Variants in ULK4 observed in about 807,000 individuals in gnomAD.
ULK4 encodes unc-51 like kinase 4.
A neutral mutation model predicts 160.6 loss-of-function variants in ULK4; 133 were observed. The ratio of observed to expected loss-of-function variants is 0.83; its 90% CI spans 0.72 to 0.96. The LOEUF (loss-of-function observed/expected upper bound fraction) is 0.96, where lower values mean the gene tolerates loss of function less well. ULK4 is among the 40% of genes least tolerant of loss of function. ULK4 has a pLI of 0.00. For missense variants in ULK4, 1,580 were observed against 1,499.5 expected, an observed-to-expected ratio of 1.05 and a Z score of -0.89; for synonymous variants, 534 against 539.8, an observed-to-expected ratio of 0.99 and a Z score of 0.15.
chr3:41,458,808 T>G (rs1448891583), intron 33 of ULK4, among the ~76,000 whole-genome samples: 3 of 152,182 alleles, frequency 2.0e-5, no homozygotes. Context: ...CAGGCTGGAG[T>G]GCAGTGGCAC....
chr3:41,836,859 G>A (rs935536055), intron 17 of ULK4, among the ~76,000 whole-genome samples: 2 of 152,014 alleles, frequency 1.3e-5, no homozygotes, highest in Non-Finnish European at 2.9e-5. Context: ...TCATACACCA[G>A]AACACAGGTT....
intron 25 of ULK4, among the ~76,000 whole-genome samples, chr3:41,712,514 C>G (rs1419168619): frequency 6.6e-6 from 1 of 152,160 alleles, no homozygotes; most frequent in African/African-American, 2.4e-5. Context: ...AATATGCCTG[C>G]CATAAGACAA....
At chr3:41,781,349 G>A (rs563099181) in intron 21 of ULK4, among the ~76,000 whole-genome samples, 125 of 151,234 alleles carry the variant, frequency 8.3e-4, no homozygotes, top group African/African-American at 2.9e-3. Context: ...CCCAGGAGGC[G>A]GAGCTTGCAG....
chr3:41,659,785 C>A (rs772331875), intron 30 of ULK4, among the ~76,000 whole-genome samples: 2 of 151,936 alleles, frequency 1.3e-5, no homozygotes, highest in Middle Eastern at 3.4e-3. Flanking sequence ...TGAGAGTATT[C>A]ATTATTTGCA....
chr3:41,711,093 G>A (rs1464242292), intron 25 of ULK4, among the ~76,000 whole-genome samples: 1 of 152,190 alleles, frequency 6.6e-6, no homozygotes, highest in Non-Finnish European at 1.5e-5. Flanking sequence ...CCAGGGAGCT[G>A]CAAGGCTGAG....
chr3:41,871,001 C>G (rs1697068986), intron 17 of ULK4, among the ~76,000 whole-genome samples: 1 of 152,104 alleles, frequency 6.6e-6, no homozygotes, highest in Admixed American at 6.6e-5. Context: ...AGGGGCTTCT[C>G]CCTTCACTCA....
chr3:41,323,196 CAA>C (rs1184628485), intron 35 of ULK4, among the ~76,000 whole-genome samples: 1 of 151,668 alleles, frequency 6.6e-6, no homozygotes, highest in African/African-American at 2.4e-5. Context: ...CTTGGCCTTC[CAA>C]AGTGTTGGGA....
At chr3:41,823,019 G>A (rs2041200181) in intron 18 of ULK4, among the ~76,000 whole-genome samples, 2 of 136,038 alleles carry the variant, frequency 1.5e-5, no homozygotes, top group African/African-American at 6.9e-5. Flanking sequence ...ACCACGCCCG[G>A]CCGAGATTTT....
At chr3:41,917,410 C>A (rs1469561063) in intron 7 of ULK4, among the ~76,000 whole-genome samples, 2 of 152,084 alleles carry the variant, frequency 1.3e-5, no homozygotes, top group African/African-American at 4.8e-5. Context: ...AGGTTGACTG[C>A]ACCACTGCAC....
intron 29 of ULK4, among the ~76,000 whole-genome samples, chr3:41,666,345 T>A (rs2035350238): frequency 6.6e-6 from 1 of 152,190 alleles, no homozygotes; most frequent in Non-Finnish European, 1.5e-5. Flanking sequence ...AGGGAGGATA[T>A]TCCAACTGCT....
chr3:41,494,863 C>T (rs1448764741), intron 32 of ULK4, among the ~76,000 whole-genome samples: 1 of 152,000 alleles, frequency 6.6e-6, no homozygotes, highest in Non-Finnish European at 1.5e-5. Context: ...CTTAGGAATC[C>T]AACTCACAAG....
intron 34 of ULK4, among the ~76,000 whole-genome samples, chr3:41,408,126 G>C (rs2082331214): frequency 7.0e-6 from 1 of 143,688 alleles, no homozygotes; most frequent in Non-Finnish European, 1.5e-5. Context: ...AATAAAAGTA[G>C]CAAAAAATAA....
intron 30 of ULK4, among the ~76,000 whole-genome samples, chr3:41,617,002 C>T (rs530796526): frequency 6.6e-6 from 1 of 152,130 alleles, no homozygotes; most frequent in Non-Finnish European, 1.5e-5. Context: ...CCTGACAGTG[C>T]TAAGAAGCCT....
intron 35 of ULK4, among the ~76,000 whole-genome samples, chr3:41,300,249 A>G (rs1450437093): frequency 6.6e-6 from 1 of 152,196 alleles, no homozygotes; most frequent in Non-Finnish European, 1.5e-5. Context: ...CTGGCATACA[A>G]TTTGAAACTG....
chr3:41,763,894 A>C lies in ULK4; in HGVS notation c.2194-9406T>G, dbSNP rs143165881. Among the ~76,000 whole-genome samples, 475 of 152,340 alleles carry C rather than the reference A, an allele frequency of 3.1e-3. 1 individual carries two copies. The highest frequency in any genetic ancestry group is 0.011 in the African/African-American group (451 of 41,580). On this transcript the variant is annotated intron_variant, in intron 21 of 36. Coordinates refer to ENST00000301831, the MANE Select transcript of ULK4 (RefSeq NM_017886.4). ...CTTTTTCATTTTATTTAAATGTTTA[A>C]TTCTGAGCATAGAGCAAATATTAAC... is the stretch of plus-strand genomic sequence containing the variant.
At chr3:41,352,504 G>A (rs975702482) in intron 35 of ULK4, among the ~76,000 whole-genome samples, 3 of 152,198 alleles carry the variant, frequency 2.0e-5, no homozygotes, top group African/African-American at 2.4e-5. Context: ...GGGGCCCCCT[G>A]TCAACCTACT....
rs141337688 is a variant in ULK4, at chr3:41,389,941, G to A, written c.3678+8138C>T. Among the ~76,000 whole-genome samples the A allele has an allele frequency of 6.7e-3, 1,017 of 152,248 alleles. 4 individuals carry two copies. The highest frequency in any genetic ancestry group is 0.015 in the East Asian group (79 of 5,178). On this transcript the variant is annotated intron_variant, in intron 35 of 36. Coordinates refer to ENST00000301831, the MANE Select transcript of ULK4 (RefSeq NM_017886.4). ...TCTATTAATTGGAATAGTTTCAGAA[G>A]GAATGGTACCAGCTCCTCCTTGTAC...
intron 35 of ULK4, among the ~76,000 whole-genome samples, chr3:41,250,677 C>CT (rs1294965334): frequency 2.6e-5 from 4 of 152,192 alleles, no homozygotes; most frequent in Non-Finnish European, 5.9e-5. Flanking sequence ...TAAACATTAA[C>CT]ATGAACTCTG....
At chr3:41,465,595 C>A (rs372660151) in intron 32 of ULK4, among the ~76,000 whole-genome samples, 12 of 152,054 alleles carry the variant, frequency 7.9e-5, no homozygotes, top group African/African-American at 2.4e-4. Flanking sequence ...ATTTTTTATG[C>A]CACTTATTTG....
Sources: gnomAD v4.1 joint callset for allele counts (sites outside exome capture counted in the v4.1 genomes callset) on GRCh38, gnomAD v4.1.1 for gene constraint, MANE v1.5 for transcripts, NCBI Gene and HGNC (gene_info 2026-07-23, HGNC 2026-07-21) for gene names.